The following CHRM3 variants were observed in gnomAD, a reference collection of about 807,000 sequenced individuals.
CHRM3 encodes the protein cholinergic receptor muscarinic 3.
Under a neutral mutation model 41.8 loss-of-function variants are expected in CHRM3, and 11 were observed. The ratio of observed to expected loss-of-function variants is 0.26; its 90% CI spans 0.17 to 0.44. The LOEUF is 0.44. Ranked by LOEUF, CHRM3 falls within the 20% of genes least tolerant of loss-of-function variation. CHRM3 has a pLI of 1.00. For synonymous variants in CHRM3, 297 were observed against 301.4 expected (o/e 0.99, Z 0.15); for missense variants, 571 against 745.4 (o/e 0.77, Z 2.72).
intron 6 of CHRM3, among the ~76,000 whole-genome samples, chr1:239,837,457 C>T (rs2149135329): frequency 6.6e-6 from 1 of 152,330 alleles, no homozygotes; most frequent in South Asian, 2.1e-4. Context: ...AAGTCCTCAC[C>T]TCTTCCCTCT....
chr1:239,634,327 G>A (rs190919202), intron 4 of CHRM3, among the ~76,000 whole-genome samples: 22 of 147,680 alleles, frequency 1.5e-4, no homozygotes, highest in Non-Finnish European at 2.1e-4. Flanking sequence ...TAACAGAAAC[G>A]AGAGAGAGAG....
intron 1 of CHRM3, among the ~76,000 whole-genome samples, chr1:239,446,226 T>C (rs540424947): frequency 2.6e-4 from 39 of 152,280 alleles, no homozygotes; most frequent in East Asian, 9.7e-4. Context: ...TGAGCCACCA[T>C]GCCTGGCCAG....
At chr1:239,611,061 TAAAA>T in intron 3 of CHRM3, among the ~76,000 whole-genome samples, 1 of 150,446 alleles carries the variant, frequency 6.6e-6, no homozygotes, top group Admixed American at 6.6e-5. Context: ...AAAATAATAA[TAAAA>T]AAAAAGAAAT....
intron 1 of CHRM3, among the ~76,000 whole-genome samples, chr1:239,472,383 T>A (rs1011361289): frequency 1.1e-4 from 17 of 152,148 alleles, no homozygotes; most frequent in African/African-American, 4.1e-4. Flanking sequence ...GTAGCCACAC[T>A]CTAGAGGAAG....
At chr1:239,695,249 A>T (rs938156251) in intron 5 of CHRM3, among the ~76,000 whole-genome samples, 1 of 151,990 alleles carries the variant, frequency 6.6e-6, no homozygotes, top group Non-Finnish European at 1.5e-5. Context: ...TGACCTCGTG[A>T]TCCACCCGCC....
chr1:239,638,122 A>G (rs942773064), intron 4 of CHRM3, among the ~76,000 whole-genome samples: 1 of 151,218 alleles, frequency 6.6e-6, no homozygotes, highest in African/African-American at 2.4e-5. Context: ...ATAGTATTCC[A>G]TGGTGTATAT....
At chr1:239,595,190 TA>T (rs1311613307) in intron 3 of CHRM3, among the ~76,000 whole-genome samples, 2 of 152,194 alleles carry the variant, frequency 1.3e-5, no homozygotes, top group Non-Finnish European at 2.9e-5. Flanking sequence ...ACTGTGTAAA[TA>T]GAATTTACAC....
intron 3 of CHRM3, among the ~76,000 whole-genome samples, chr1:239,591,232 G>C (rs76252407): frequency 2.3e-3 from 353 of 152,108 alleles, no homozygotes; most frequent in African/African-American, 8.1e-3. Context: ...AAATTGCGCT[G>C]GTCTCCCTTC....
At chr1:239,515,890 G>GAAAAAAAA (rs1204453097) in intron 2 of CHRM3, among the ~76,000 whole-genome samples, 1 of 152,190 alleles carries the variant, frequency 6.6e-6, no homozygotes, top group African/African-American at 2.4e-5. Flanking sequence ...AAAAGTCTCT[G>GAAAAAAAA]AACTTCTTAG....
At chr1:239,460,497 T>A (rs1352005995) in intron 1 of CHRM3, among the ~76,000 whole-genome samples, 14 of 152,142 alleles carry the variant, frequency 9.2e-5, no homozygotes, top group Non-Finnish European at 1.5e-5. Flanking sequence ...ATTTTTTTTC[T>A]CCTTTATTAT....
At chr1:239,463,436 A>G (rs749156449) in intron 1 of CHRM3, among the ~76,000 whole-genome samples, 4 of 152,054 alleles carry the variant, frequency 2.6e-5, no homozygotes, top group Admixed American at 6.5e-5. Context: ...GTCTCACTCT[A>G]ATTCTGTGCT....
intron 4 of CHRM3, among the ~76,000 whole-genome samples, chr1:239,643,478 G>A (rs907306431): frequency 5.9e-5 from 9 of 152,294 alleles, no homozygotes; most frequent in African/African-American, 1.7e-4. Flanking sequence ...AATGGTGGGC[G>A]CCCCTCCCCC....
intron 2 of CHRM3, among the ~76,000 whole-genome samples, chr1:239,517,459 G>T (rs1669346885): frequency 6.6e-6 from 1 of 152,148 alleles, no homozygotes; most frequent in Non-Finnish European, 1.5e-5. Flanking sequence ...TACATCACTT[G>T]CCATTCCTAT....
At chr1:239,637,764 T>C (rs1573056207) in intron 4 of CHRM3, among the ~76,000 whole-genome samples, 1 of 150,406 alleles carries the variant, frequency 6.6e-6, no homozygotes, top group African/African-American at 2.4e-5. Context: ...TTTTTTTTAA[T>C]TTAATTTTAT....
At chr1:239,747,264 C>T (rs1327612361) in intron 5 of CHRM3, among the ~76,000 whole-genome samples, 1 of 152,096 alleles carries the variant, frequency 6.6e-6, no homozygotes, top group Non-Finnish European at 1.5e-5. Context: ...ATTTATTGAG[C>T]ACCCACTATC....
At chr1:239,397,770 T>A (rs911366723) in intron 1 of CHRM3, among the ~76,000 whole-genome samples, 1 of 148,168 alleles carries the variant, frequency 6.7e-6, no homozygotes. Context: ...TATATATATA[T>A]AGAAAATGTT....
At chr1:239,622,035 T>C (rs1194792465) in intron 3 of CHRM3, among the ~76,000 whole-genome samples, 1 of 152,140 alleles carries the variant, frequency 6.6e-6, no homozygotes. Context: ...CCTAGGGCCC[T>C]GAAGAATTAT....
At chr1:239,627,131 G>T (rs1669057890) in intron 3 of CHRM3, among the ~76,000 whole-genome samples, 1 of 74,538 alleles carries the variant, frequency 1.3e-5, no homozygotes, top group Non-Finnish European at 2.6e-5. Flanking sequence ...TAATGTGTGG[G>T]AGTCTAAGTC....
At chr1:239,576,734 G>A (rs1662398929) in intron 3 of CHRM3, among the ~76,000 whole-genome samples, 2 of 151,532 alleles carry the variant, frequency 1.3e-5, no homozygotes, top group African/African-American at 4.9e-5. Context: ...GCAGTGCAGT[G>A]ACCTACGATT....
Sources: allele counts gnomAD v4.1 joint callset (sites outside exome capture counted in the v4.1 genomes callset), GRCh38; gene constraint gnomAD v4.1.1; transcripts MANE v1.5; gene names NCBI Gene and HGNC (gene_info 2026-07-23, HGNC 2026-07-21).